The following ALCAM variants were observed in gnomAD, a reference collection of about 807,000 sequenced individuals.
ALCAM encodes activated leukocyte cell adhesion molecule, also known as CD166 antigen.
Under a neutral mutation model 70.9 loss-of-function variants are expected in ALCAM, and 30 were observed. That is an observed-to-expected ratio of 0.42 (90% CI 0.32 to 0.57). The LOEUF is 0.57. Ranked by LOEUF, ALCAM falls within the 20% of genes least tolerant of loss-of-function variation. ALCAM has a pLI of 0.11. For synonymous variants in ALCAM, 249 were observed against 242.5 expected (o/e 1.03, Z -0.25); for missense variants, 591 against 695.1 (o/e 0.85, Z 1.68).
intron 1 of ALCAM, among the ~76,000 whole-genome samples, chr3:105,420,025 C>G (rs1396581716): frequency 1.3e-5 from 2 of 151,524 alleles, no homozygotes; most frequent in Non-Finnish European, 3.0e-5. Context: ...TTTATATATA[C>G]AAGCACAAAT....
intron 14 of ALCAM, 50 bp from the exon 15 acceptor site, chr3:105,571,802 G>C: frequency 7.7e-7 from 1 of 1,292,672 alleles, no homozygotes. Flanking sequence ...AAATATAAAA[G>C]TTGAACATGT....
At chr3:105,524,754 A>AC in intron 3 of ALCAM, 6 of 1,251,744 alleles carry the variant, frequency 4.8e-6, no homozygotes, top group Non-Finnish European at 6.0e-6. Context: ...TCATGTAAAA[A>AC]TGTCGTGAGC....
intron 1 of ALCAM, among the ~76,000 whole-genome samples, chr3:105,503,423 C>T (rs148692629): frequency 6.6e-6 from 1 of 152,278 alleles, no homozygotes; most frequent in African/African-American, 2.4e-5. Context: ...AGCAAACTGA[C>T]TGAGGCTCAT....
intron 13 of ALCAM, 98 bp downstream of exon 13, chr3:105,552,280 A>G: frequency 7.3e-7 from 1 of 1,361,784 alleles, no homozygotes; most frequent in Non-Finnish European, 1.0e-6. Flanking sequence ...CACAATTTTG[A>G]CTTGAATTAA....
intron 5 of ALCAM, among the ~76,000 whole-genome samples, chr3:105,534,328 T>A (rs1371188068): frequency 1.3e-5 from 2 of 152,208 alleles, no homozygotes; most frequent in African/African-American, 2.4e-5. Flanking sequence ...TCTTATGCTC[T>A]GTTACTTTAA....
rs550993255 is a variant in ALCAM, at chr3:105,398,020, G to T, written c.73+30539G>T. On this transcript the variant is annotated intron_variant, in intron 1 of 15. Transcript: ENST00000306107. ...GAAGCTTTTGTTTTGGTGGAATGGT[G>T]GTTCTTAAACTTGCACGTGCCTCTC... 2.7e-3 allele frequency among the ~76,000 whole-genome samples: 406 copies of T among 152,158 alleles called. 3 individuals are homozygous for T. Among genetic ancestry groups the T allele is most frequent in the Non-Finnish European group, 4.5e-3 (309 of 67,986 alleles).
At chr3:105,405,845 C>G (rs904898861) in intron 1 of ALCAM, among the ~76,000 whole-genome samples, 1 of 152,092 alleles carries the variant, frequency 6.6e-6, no homozygotes, top group Non-Finnish European at 1.5e-5. Context: ...TTTAAAAATT[C>G]ATTTAATTGA....
At chr3:105,499,023 C>A (rs1417104174) in intron 1 of ALCAM, among the ~76,000 whole-genome samples, 1 of 151,984 alleles carries the variant, frequency 6.6e-6, no homozygotes, top group Admixed American at 6.6e-5. Context: ...TTCAGCAATA[C>A]AAAGGATATA....
At chr3:105,415,420 T>A (rs555170948) in intron 1 of ALCAM, among the ~76,000 whole-genome samples, 1 of 152,184 alleles carries the variant, frequency 6.6e-6, no homozygotes, top group East Asian at 1.9e-4. Context: ...GATCAACAAA[T>A]AATAAATCCC....
chr3:105,447,930 C>A (rs10933817), intron 1 of ALCAM, among the ~76,000 whole-genome samples: 104,861 of 151,964 alleles, frequency 0.69, 36,481 homozygotes, highest in East Asian at 0.93. Flanking sequence ...AAAAATATAA[C>A]AAGCAAGATA....
chr3:105,459,632 G>C (rs1437963678), intron 1 of ALCAM, among the ~76,000 whole-genome samples: 2 of 151,994 alleles, frequency 1.3e-5, no homozygotes, highest in Non-Finnish European at 2.9e-5. Flanking sequence ...AGATCAGGGA[G>C]TTATTACTCA....
At chr3:105,530,086 A>G (rs1284217550) in intron 3 of ALCAM, among the ~76,000 whole-genome samples, 1 of 152,006 alleles carries the variant, frequency 6.6e-6, no homozygotes, top group Non-Finnish European at 1.5e-5. Context: ...TTCATTGGCC[A>G]CGTAAATTAA....
intron 14 of ALCAM, among the ~76,000 whole-genome samples, chr3:105,564,702 A>G (rs1456811309): frequency 6.6e-6 from 1 of 152,124 alleles, no homozygotes; most frequent in African/African-American, 2.4e-5. Flanking sequence ...TTTAATGAGG[A>G]GTAGTTGGAC....
chr3:105,491,747 A>G (rs867998818), intron 1 of ALCAM, among the ~76,000 whole-genome samples: 2 of 152,150 alleles, frequency 1.3e-5, no homozygotes, highest in Non-Finnish European at 2.9e-5. Context: ...CCTCATCTCT[A>G]TTTGAGACCA....
At chr3:105,490,325 A>C (rs1246959380) in intron 1 of ALCAM, among the ~76,000 whole-genome samples, 1 of 152,240 alleles carries the variant, frequency 6.6e-6, no homozygotes, top group Non-Finnish European at 1.5e-5. Context: ...GTGCTGAATA[A>C]AATAGCTTTA....
chr3:105,559,775 T>C (rs767917552), intron 14 of ALCAM, among the ~76,000 whole-genome samples: 15 of 152,204 alleles, frequency 9.9e-5, no homozygotes, highest in Admixed American at 2.0e-4. Context: ...GACCAGAGAT[T>C]GTTTGCCTAA....
At chr3:105,489,624 G>C (rs1010390817) in intron 1 of ALCAM, among the ~76,000 whole-genome samples, 1 of 152,102 alleles carries the variant, frequency 6.6e-6, no homozygotes, top group African/African-American at 2.4e-5. Flanking sequence ...GTCAAAGCAT[G>C]TTTTGTTAAT....
At chr3:105,487,096 G>T (rs879631508) in intron 1 of ALCAM, among the ~76,000 whole-genome samples, 1 of 151,832 alleles carries the variant, frequency 6.6e-6, no homozygotes, top group Non-Finnish European at 1.5e-5. Context: ...TTTTTATTTG[G>T]TGAAACCAGT....
At position 105,550,164 on chromosome 3, in the gene ALCAM, G is replaced by T; in HGVS notation, c.1412G>T (p.Ser471Ile). 1 of 1,600,618 alleles carries T rather than the reference G, an allele frequency of 6.2e-7. No individual in the cohort carries two copies. The highest frequency in any genetic ancestry group is 2.2e-5 in the East Asian group (1 of 44,606). Residue 471 changes from serine to isoleucine, a missense_variant, in exon 12 of 16, where the codon AGT (serine) becomes ATT (isoleucine). Physicochemically the swap from Ser to Ile is moderately radical, Grantham distance 142 (BLOSUM62 -2). Transcript: ENST00000306107. ...CCTTATATTAATGGCAGGTATTATA[G>T]TAAAATTATCATTTCCCCTGAAGAG... ...ESPYINGRYY[S>I]KIIISPEENV...
Sources: allele counts gnomAD v4.1 joint callset (sites outside exome capture counted in the v4.1 genomes callset), GRCh38; gene constraint gnomAD v4.1.1; transcripts MANE v1.5; gene names NCBI Gene and HGNC (gene_info 2026-07-23, HGNC 2026-07-21).